SKP1: variants seen among roughly 807,000 people sequenced by gnomAD.
The protein encoded by SKP1 is S-phase kinase-associated protein 1.
SKP1 carries 1 observed loss-of-function variant against 21.5 expected under a neutral mutation model. That is an observed-to-expected ratio of 0.05 (90% CI 0.02 to 0.22). The LOEUF is 0.22. Among genes scored for constraint, SKP1 ranks in the 10% least tolerant of loss-of-function variants. The probability of loss-of-function intolerance (pLI) is 1.00; values close to 1 mark genes in which losing one functional copy is unlikely to be tolerated. For synonymous variants in SKP1, 59 were observed against 59.3 expected, an observed-to-expected ratio of 0.99 and a Z score of 0.03; for missense variants, 70 against 192.0, an observed-to-expected ratio of 0.36 and a Z score of 3.76.
Position 134,167,222 on chromosome 5 carries a change from C to T in SKP1, c.119G>A (p.Gly40Glu), listed in dbSNP as rs1284500395. Residue 40 changes from glycine (G) to glutamate (E), a missense_variant, in exon 3 of 6, where the codon GGA becomes GAA. Around this residue, in one of 4 missense-constraint regions of SKP1, gnomAD observed 33 missense variants for 64.9 expected, o/e 0.51. Coordinates refer to ENST00000353411, the MANE Select transcript of SKP1 (RefSeq NM_170679.3). ...MLEDLGMDDE[G>E]DDDPVPLPNV... ...TGGTAGAGGAACTGGGTCATCATCT[C>T]CTTCATCATCCATTCCCAAATCTAA... The T allele has an allele frequency of 6.2e-7, 1 of 1,603,826 alleles. No individual in the cohort carries two copies. Among genetic ancestry groups the T allele is most frequent in the Non-Finnish European group, 8.5e-7 (1 of 1,170,930 alleles).
chr5:134,172,439 A>G (rs954072546), intron 2 of SKP1, among the ~76,000 whole-genome samples: 1 of 152,200 alleles, frequency 6.6e-6, no homozygotes, highest in Non-Finnish European at 1.5e-5. Context: ...CCCCACTGGT[A>G]ACACTAAAAA....
intron 2 of SKP1, among the ~76,000 whole-genome samples, chr5:134,169,347 G>C (rs1375285092): frequency 6.6e-6 from 1 of 152,216 alleles, no homozygotes; most frequent in Non-Finnish European, 1.5e-5. Context: ...TCTCAGCTTA[G>C]AGTGAAACTG....
intron 1 of SKP1, chr5:134,175,471 A>G (rs918848464): frequency 1.3e-5 from 2 of 152,210 alleles, no homozygotes; most frequent in Non-Finnish European, 2.9e-5. Context: ...AAATATTTTA[A>G]CCTGAGCCCA....
At position 134,155,545 on chromosome 5, in the gene SKP1, C is replaced by G. The variant is rs1478953993; in HGVS notation, c.*2188G>C. On this transcript the variant is annotated 3_prime_UTR_variant, in exon 6 of 6. Transcript: ENST00000353411. ...TTAGGGACTACAGAAAGTCAGGAAA[C>G]AAAAATTTAAATTACTACTATATTG... is the stretch of plus-strand genomic sequence containing the variant. The G allele has an allele frequency of 2.0e-5, 3 of 152,076 alleles. 1 individual carries two copies. The East Asian group carries it at 5.8e-4, about 29-fold the overall frequency. 9.4% of individuals were successfully genotyped at this position (152,076 alleles called of 1,614,324 possible).
At chr5:134,165,821 G>A (rs1012454989) in intron 3 of SKP1, among the ~76,000 whole-genome samples, 3 of 151,956 alleles carry the variant, frequency 2.0e-5, no homozygotes, top group Admixed American at 6.6e-5. Context: ...GGAAAGTGGA[G>A]GCTGCAGTGA....
chr5:134,166,008 C>G (rs1761324288), intron 3 of SKP1, among the ~76,000 whole-genome samples: 1 of 151,774 alleles, frequency 6.6e-6, no homozygotes, highest in Non-Finnish European at 1.5e-5. Flanking sequence ...GCCTGGCCAA[C>G]ATGGTGAAAA....
chr5:134,167,628 T>G (rs1158244296), intron 2 of SKP1, among the ~76,000 whole-genome samples: 1 of 151,214 alleles, frequency 6.6e-6, no homozygotes, highest in African/African-American at 2.4e-5. Flanking sequence ...GTTCACACCA[T>G]TCTCCTGCCT....
intron 3 of SKP1, 118 bp from the exon 4 acceptor site, chr5:134,161,248 T>A: frequency 1.1e-6 from 1 of 874,708 alleles, no homozygotes; most frequent in South Asian, 2.3e-5. Flanking sequence ...CTTGAGCCAT[T>A]AACAGCCAAG....
Position 134,152,549 on chromosome 5 carries a change from T to C in SKP1, c.*5184A>G, listed in dbSNP as rs1383957152. 1.4e-5 allele frequency: 2 copies of C among 140,288 alleles called. No individual in the cohort carries two copies. Among genetic ancestry groups the C allele is most frequent in the Non-Finnish European group, 3.0e-5 (2 of 67,636 alleles). 8.7% of individuals were successfully genotyped at this position (140,288 alleles called of 1,614,324 possible). On this transcript the variant is annotated 3_prime_UTR_variant, in exon 6 of 6. Transcript: ENST00000353411. ...TTAATCTGTTCTGTCCAGAAACTTT[T>C]TTTTTTTGAAACGGAGTCTCGCTCT...
chr5:134,164,413 C>G (rs1761289631), intron 3 of SKP1, among the ~76,000 whole-genome samples: 3 of 151,646 alleles, frequency 2.0e-5, no homozygotes, highest in African/African-American at 7.3e-5. Context: ...TAACTGTTCA[C>G]CTACTCACCC....
chr5:134,152,264 A>G lies in SKP1; in HGVS notation c.*5469T>C, dbSNP rs1761055360. ...GCCCTGCCTAATGTGGGTCTGATGA[A>G]TAAATGCTGATAAAATACTACTGAG... On this transcript the variant is annotated 3_prime_UTR_variant, in exon 6 of 6. Transcript: ENST00000353411. The G allele has an allele frequency of 6.6e-6, 1 of 152,316 alleles. No homozygotes were observed. The highest frequency in any genetic ancestry group is 6.5e-5 in the Admixed American group (1 of 15,282). 9.4% of individuals were successfully genotyped at this position (152,316 alleles called of 1,614,324 possible).
intron 3 of SKP1, among the ~76,000 whole-genome samples, chr5:134,163,552 G>A (rs1314514969): frequency 6.6e-6 from 1 of 151,868 alleles, no homozygotes; most frequent in Non-Finnish European, 1.5e-5. Flanking sequence ...CACTCTGGGA[G>A]GCCAAAGGAG....
chr5:134,174,194 G>A (rs1761495954), intron 1 of SKP1, among the ~76,000 whole-genome samples, 172 bp from the exon 2 acceptor site: 2 of 152,150 alleles, frequency 1.3e-5, no homozygotes. Flanking sequence ...GTTAGTCTCC[G>A]AGTATTTCTA....
In SKP1 at chr5:134,154,058, T is replaced by A. The variant is rs1297266881; in HGVS notation, c.*3675A>T. 6.6e-6 allele frequency: 1 copy of A among 152,200 alleles called. No homozygotes were observed. The highest frequency in any genetic ancestry group is 1.5e-5 in the Non-Finnish European group (1 of 68,032). The allele number at this position is 152,200 out of a possible 1,614,324, so 9.4% of individuals were successfully genotyped here. A position where few individuals can be genotyped will look rare whatever the true frequency, so the allele number is the denominator to read the frequency against. On this transcript the variant is annotated 3_prime_UTR_variant, in exon 6 of 6. Coordinates refer to ENST00000353411, the MANE Select transcript of SKP1 (RefSeq NM_170679.3). ...GATTTTGTGAATCTCTGAGAAAATA[T>A]AAGAACTGTAAAGCAGTATCTATTT...
At chr5:134,169,554 G>C (rs916856355) in intron 2 of SKP1, among the ~76,000 whole-genome samples, 19 of 152,298 alleles carry the variant, frequency 1.2e-4, no homozygotes, top group Admixed American at 1.3e-4. Context: ...TTGGAACGAG[G>C]CTTAACTCAC....
rs1761103976 is a variant in SKP1 at position 134,155,257 on chromosome 5, G to A, written c.*2476C>T. ...GTGGAGTTTTGAAGACTGAGGTTTG[G>A]CTACTGTGATAATGAGAAAGGACCA... On this transcript the variant is annotated 3_prime_UTR_variant, in exon 6 of 6. Coordinates refer to ENST00000353411, the MANE Select transcript of SKP1 (RefSeq NM_170679.3). 1.3e-5 allele frequency: 2 copies of A among 152,182 alleles called. No homozygotes were observed. Among genetic ancestry groups the A allele is most frequent in the South Asian group, 4.1e-4 (2 of 4,832 alleles). The allele number at this position is 152,182 out of a possible 1,614,324, so 9.4% of individuals were successfully genotyped here.
rs1295117346 is a variant in SKP1, at chr5:134,152,476, C to CA, written c.*5256dup. 1 of 152,268 alleles carries CA rather than the reference C, an allele frequency of 6.6e-6. No homozygotes were observed. Among genetic ancestry groups the CA allele is most frequent in the Non-Finnish European group, 1.5e-5 (1 of 68,100 alleles). 9.4% of individuals were successfully genotyped at this position (152,268 alleles called of 1,614,324 possible). A position where few individuals can be genotyped will look rare whatever the true frequency, so the allele number is the denominator to read the frequency against. ...TTGAAACCAAATTAGTTTCACTTTA[C>CA]AAAACCTTTCGTAGCACCTTTCAGC... On this transcript the variant is annotated 3_prime_UTR_variant, in exon 6 of 6. Transcript: ENST00000353411.
intron 4 of SKP1, among the ~76,000 whole-genome samples, chr5:134,159,053 T>C (rs1761170310): frequency 6.6e-6 from 1 of 152,272 alleles, no homozygotes; most frequent in South Asian, 2.1e-4. Context: ...CTCATTCTTC[T>C]GTTTACTTTG....
At chr5:134,161,331 A>G in intron 3 of SKP1, 1 of 476,356 alleles carries the variant, frequency 2.1e-6, no homozygotes, top group Non-Finnish European at 3.7e-6. Context: ...AGATAAAAGC[A>G]AGCCATGCAG....
Sources: gnomAD v4.1 joint callset for allele counts (sites outside exome capture counted in the v4.1 genomes callset) on GRCh38, gnomAD v4.1.1 for gene constraint, gnomAD v4.1.1 regional missense constraint, MANE v1.5 for transcripts, NCBI Gene and HGNC (gene_info 2026-07-23, HGNC 2026-07-21) for gene names.